The following HSPG2 variants were observed in gnomAD, a reference collection of about 807,000 sequenced individuals.
The protein encoded by HSPG2 is heparan sulfate proteoglycan 2.
Under a neutral mutation model 526.6 loss-of-function variants are expected in HSPG2, and 278 were observed. That is an observed-to-expected ratio of 0.53 (90% CI 0.48 to 0.58). The LOEUF (loss-of-function observed/expected upper bound fraction) is 0.58, where lower values mean the gene tolerates loss of function less well. HSPG2 is among the 20% of genes least tolerant of loss of function. The probability of loss-of-function intolerance (pLI) is 0.00; values close to 1 mark genes in which losing one functional copy is unlikely to be tolerated. For missense variants in HSPG2, 5,354 were observed against 6,099.5 expected (o/e 0.88, Z 4.07); for synonymous variants, 2,465 against 2,555.4 (o/e 0.96, Z 1.07).
intron 1 of HSPG2, among the ~76,000 whole-genome samples, chr1:21,913,504 C>A (rs576924570): frequency 6.6e-6 from 1 of 152,334 alleles, no homozygotes; most frequent in African/African-American, 2.4e-5. Flanking sequence ...TCCACCTGCC[C>A]TCAGACAGCC....
intron 30 of HSPG2, 108 bp from the exon 31 acceptor site, chr1:21,873,199 A>T: frequency 8.7e-7 from 1 of 1,143,004 alleles, no homozygotes; most frequent in Non-Finnish European, 1.3e-6. Context: ...TGATGTGAGT[A>T]CTCAACACTC....
In HSPG2 at chr1:21,849,143, G is replaced by C. The variant is rs1202276845; in HGVS notation, c.7447-112C>G. The stretch of plus-strand genomic sequence containing the variant: ...CCAGCCCAGCCAGCTGGAACTCGAT[G>C]GAAACTCTTCCAGGGAAAACCACCT... On this transcript the variant is annotated intron_variant, in intron 57 of 96. Coordinates refer to ENST00000374695, the MANE Select transcript of HSPG2 (RefSeq NM_005529.7). 7 of 1,309,976 alleles carry C rather than the reference G, an allele frequency of 5.3e-6. No individual in the cohort carries two copies. The Admixed American group carries it at 1.4e-4, about 25-fold the overall frequency. The allele number at this position is 1,309,976 out of a possible 1,614,324, so 81.1% of individuals were successfully genotyped here.
At chr1:21,889,876 G>T in intron 6 of HSPG2, 105 bp downstream of exon 6, 1 of 1,158,744 alleles carries the variant, frequency 8.6e-7, no homozygotes, top group Non-Finnish European at 1.3e-6. Context: ...TGAGCTCCCT[G>T]TTTCTAGTGG....
chr1:21,876,547 G>A lies in HSPG2; in HGVS notation c.2791C>T (p.Arg931Cys), dbSNP rs141852442. The change falls in exon 22 of 97, where the codon CGC becomes TGC. Residue 931 changes from arginine to cysteine, a missense_variant. Physicochemically the swap from Arg to Cys is radical, Grantham distance 180. Transcript: ENST00000374695. ...CTCCATGAAGAGCTGGTGCAGTGGC[G>A]ACTGACACCCATGCAGAAGCACTTG... ...CLKCFCMGVS[R>C]HCTSSSWSRA... 10 of 1,614,084 alleles carry A rather than the reference G, an allele frequency of 6.2e-6. No homozygotes were observed. Among genetic ancestry groups the A allele is most frequent in the Admixed American group, 3.3e-5 (2 of 60,008 alleles).
rs1468268553 is a variant in HSPG2, at chr1:21,839,418, G to C, written c.9842C>G (p.Thr3281Ser). 3.1e-6 allele frequency: 5 copies of C among 1,614,006 alleles called. No individual in the cohort carries two copies. Among genetic ancestry groups the C allele is most frequent in the Non-Finnish European group, 4.2e-6 (5 of 1,180,002 alleles). ...GGCCTCAGCGTGCCCAGCAGGGCTA[G>C]TGGCATTGCAGATGTACTGGCCCGA... ...QDSGQYICNATSPAGHAEATI... is the reference protein window; with the variant it reads ...QDSGQYICNASSPAGHAEATI... Residue 3281 changes from threonine to serine, a missense_variant, in exon 73 of 97, where the codon ACT (threonine) becomes AGT (serine). Coordinates refer to ENST00000374695, the MANE Select transcript of HSPG2 (RefSeq NM_005529.7). This position sits in a 1 kb window ranked among gnomAD's most constrained non-coding sequence, Gnocchi z 4.5.
At position 21,844,271 on chromosome 1, in the gene HSPG2, G is replaced by C. The variant is rs779026853; in HGVS notation, c.8493C>G (p.Ile2831Met). The C allele has an allele frequency of 6.2e-7, 1 of 1,613,380 alleles. No individual in the cohort carries two copies. Among genetic ancestry groups the C allele is most frequent in the African/African-American group, 1.3e-5 (1 of 74,938 alleles). The change falls in exon 65 of 97, where the codon ATC (isoleucine) becomes ATG (methionine). Residue 2831 changes from isoleucine (I) to methionine (M), a missense_variant. Coordinates refer to ENST00000374695, the MANE Select transcript of HSPG2 (RefSeq NM_005529.7). ...PAPGGAPPIRIEPSSSRVAEG... is the reference protein window; with the variant it reads ...PAPGGAPPIRMEPSSSRVAEG... ...CTGCCACTCGGGAGGAGGAGGGCTC[G>C]ATGCGGATGGGTGGGGCTCCACCTG...
intron 6 of HSPG2, 152 bp downstream of exon 6, chr1:21,889,829 G>T: frequency 1.2e-6 from 1 of 808,942 alleles, no homozygotes; most frequent in Non-Finnish European, 2.1e-6. Flanking sequence ...ACCAAGCCAA[G>T]ATTGTGTAAA....
intron 86 of HSPG2, 60 bp from the exon 87 acceptor site, chr1:21,829,664 G>A: frequency 7.0e-7 from 1 of 1,430,950 alleles, no homozygotes; most frequent in Non-Finnish European, 9.6e-7. Flanking sequence ...GTGGGGTCCA[G>A]CTACTCTGCC....
rs1274212473 is a variant in HSPG2 at position 21,863,958 on chromosome 1, G to T, written c.4740+142C>A. ...CCACCCCACCATCCCCGGTGACCTG[G>T]CCTGCTGACCCAGGTGCTTTGAACC... is the stretch of plus-strand genomic sequence containing the variant. On this transcript the variant is annotated intron_variant, in intron 37 of 96. Transcript: ENST00000374695. 4.3e-6 allele frequency: 3 copies of T among 697,638 alleles called. No individual in the cohort carries two copies. The East Asian group carries it at 8.2e-5, about 19-fold the overall frequency. The allele number at this position is 697,638 out of a possible 1,614,324, so 43.2% of individuals were successfully genotyped here.
chr1:21,890,722 A>G lies in HSPG2; in HGVS notation c.245-28T>C. The G allele has an allele frequency of 1.3e-6, 2 of 1,552,958 alleles. No homozygotes were observed. Among genetic ancestry groups the G allele is most frequent in the Middle Eastern group, 3.4e-4 (2 of 5,948 alleles). On this transcript the variant is annotated intron_variant, in intron 3 of 96. Coordinates refer to ENST00000374695, the MANE Select transcript of HSPG2 (RefSeq NM_005529.7). This position sits in a 1 kb window ranked among gnomAD's most constrained non-coding sequence, Gnocchi z 4.1. ...GGAAAATCGAAGGAGGATCATTTTG[A>G]GAGCCCCAGCCTGGCATCTAGTGGC...
chr1:21,875,013 C>T lies in HSPG2; in HGVS notation c.3303-11G>A. ...CTGATGCCAGAGACCCTGGGCGTGA[C>T]AAGACCCAGCGTGAATAGGAGTGCT... On this transcript the variant is annotated splice_polypyrimidine_tract_variant and intron_variant, in intron 25 of 96. Transcript: ENST00000374695. The T allele has an allele frequency of 1.3e-6, 2 of 1,575,324 alleles. No individual in the cohort carries two copies. The highest frequency in any genetic ancestry group is 1.7e-6 in the Non-Finnish European group (2 of 1,156,606).
In HSPG2 at chr1:21,839,664, G is replaced by T; in HGVS notation, c.9710-114C>A. On this transcript the variant is annotated intron_variant, in intron 72 of 96. Coordinates refer to ENST00000374695, the MANE Select transcript of HSPG2 (RefSeq NM_005529.7). The surrounding 1 kb of genome is among the most constrained non-coding windows in gnomAD (Gnocchi z 4.5). ...ATCCTGTCCCTCTATGGGGACCCCA[G>T]TTGGGTTCCTCGGCCATCACTGGGG... The T allele has an allele frequency of 7.0e-7, 1 of 1,419,372 alleles. No individual in the cohort carries two copies. The highest frequency in any genetic ancestry group is 9.7e-7 in the Non-Finnish European group (1 of 1,027,978). 87.9% of individuals were successfully genotyped at this position (1,419,372 alleles called of 1,614,324 possible).
chr1:21,822,405 G>A lies in HSPG2; in HGVS notation c.*911C>T, dbSNP rs1173615953. ...AGGCTCCTGCAGATGGGGCAGGGTGGTCATATCCCCCTCCTCTCTCTCTCA... is the reference window on the plus strand; with the variant it reads ...AGGCTCCTGCAGATGGGGCAGGGTGATCATATCCCCCTCCTCTCTCTCTCA... On this transcript the variant is annotated 3_prime_UTR_variant, in exon 97 of 97. Transcript: ENST00000374695. 4 of 619,868 alleles carry A rather than the reference G, an allele frequency of 6.5e-6. No homozygotes were observed. Among genetic ancestry groups the A allele is most frequent in the Non-Finnish European group, 1.2e-5 (4 of 346,156 alleles). 38.4% of individuals were successfully genotyped at this position (619,868 alleles called of 1,614,324 possible). A position where few individuals can be genotyped will look rare whatever the true frequency, so the allele number is the denominator to read the frequency against.
chr1:21,825,978 G>A (rs1018242668), intron 91 of HSPG2, among the ~76,000 whole-genome samples: 1 of 152,032 alleles, frequency 6.6e-6, no homozygotes, highest in Non-Finnish European at 1.5e-5. Flanking sequence ...TAGAGATGGG[G>A]TTTCGCCATG....
chr1:21,873,387 G>C lies in HSPG2; in HGVS notation c.3781C>G (p.Gln1261Glu). 6.2e-7 allele frequency: 1 copy of C among 1,613,838 alleles called. No homozygotes were observed. Reference protein sequence around the residue: ...PGYYGNPSQGQPCQRDSQVPG... With the variant: ...PGYYGNPSQGEPCQRDSQVPG... ...CAATCCTACTCACTCTGGCATGGCT[G>C]GCCCTGGCTGGGGTTGCCATAGTAG... The change falls in exon 30 of 97, where the codon CAG becomes GAG. Residue 1261 changes from glutamine (Q) to glutamate (E), a missense_variant. By Grantham distance (29) the Gln-to-Glu change is conservative (BLOSUM62 2). Transcript: ENST00000374695.
In HSPG2 at chr1:21,824,103, C is replaced by G; in HGVS notation, c.12899+18G>C. The G allele has an allele frequency of 6.2e-7, 1 of 1,608,456 alleles. No individual in the cohort carries two copies. Among genetic ancestry groups the G allele is most frequent in the Non-Finnish European group, 8.5e-7 (1 of 1,177,126 alleles). On this transcript the variant is annotated intron_variant, in intron 95 of 96. Coordinates refer to ENST00000374695, the MANE Select transcript of HSPG2 (RefSeq NM_005529.7). The surrounding 1 kb of genome is among the most constrained non-coding windows in gnomAD (Gnocchi z 5.9). ...AGAACGCTGGGCCCCATCCCGAGTGCCCGGCAGGGTCCCTTACCGCAGTGC... is the reference window on the plus strand; with the variant it reads ...AGAACGCTGGGCCCCATCCCGAGTGGCCGGCAGGGTCCCTTACCGCAGTGC...
In HSPG2 at chr1:21,877,825, C is replaced by G. The variant is rs77666184; in HGVS notation, c.2685+361G>C. ...TGCTCCCATTCCTAACGCAAGTGAC[C>G]TCCCTTCTCTGAGCCTCCATTTCCT... On this transcript the variant is annotated intron_variant, in intron 21 of 96. Transcript: ENST00000374695. Among the ~76,000 whole-genome samples the G allele has an allele frequency of 9.3e-3, 1,410 of 152,330 alleles. 9 individuals carry two copies. The highest frequency in any genetic ancestry group is 0.016 in the Non-Finnish European group (1,072 of 68,030).
Position 21,824,113 on chromosome 1 carries a change from T to C in HSPG2, c.12899+8A>G, listed in dbSNP as rs753665175. 3 of 1,611,520 alleles carry C rather than the reference T, an allele frequency of 1.9e-6. No individual in the cohort carries two copies. The highest frequency in any genetic ancestry group is 2.2e-5 in the South Asian group (2 of 90,912). ...GCCCCATCCCGAGTGCCCGGCAGGG[T>C]CCCTTACCGCAGTGCTGTCACCCGG... On this transcript the variant is annotated splice_region_variant and intron_variant, in intron 95 of 96. Transcript: ENST00000374695. This position sits in a 1 kb window ranked among gnomAD's most constrained non-coding sequence, Gnocchi z 5.9.
Position 21,865,106 on chromosome 1 carries a change from G to A in HSPG2, c.4396-33C>T, listed in dbSNP as rs1326288157. The A allele has an allele frequency of 3.9e-6, 6 of 1,536,892 alleles. No individual in the cohort carries two copies. Among genetic ancestry groups the A allele is most frequent in the South Asian group, 3.5e-5 (3 of 86,396 alleles). ...GGGGGTGGCAACGTGGGCGGGGGCAGTGGGCTTTGTGGGCTGCTCCTACAG... is the reference window on the plus strand; with the variant it reads ...GGGGGTGGCAACGTGGGCGGGGGCAATGGGCTTTGTGGGCTGCTCCTACAG... On this transcript the variant is annotated intron_variant, in intron 35 of 96. Coordinates refer to ENST00000374695, the MANE Select transcript of HSPG2 (RefSeq NM_005529.7). The surrounding 1 kb of genome is among the most constrained non-coding windows in gnomAD (Gnocchi z 5.4).
Sources: allele counts gnomAD v4.1 joint callset (sites outside exome capture counted in the v4.1 genomes callset), GRCh38; gene constraint gnomAD v4.1.1; non-coding constraint Gnocchi (gnomAD v3.1); transcripts MANE v1.5; gene names NCBI Gene and HGNC (gene_info 2026-07-23, HGNC 2026-07-21).